The following PAK1 variants were observed in gnomAD, a reference collection of about 807,000 sequenced individuals.
PAK1 encodes serine/threonine-protein kinase PAK 1.
Under a neutral mutation model 67.4 loss-of-function variants are expected in PAK1, and 29 were observed. The ratio of observed to expected loss-of-function variants is 0.43; its 90% CI spans 0.32 to 0.59. The LOEUF (loss-of-function observed/expected upper bound fraction) is 0.59, where lower values mean the gene tolerates loss of function less well. Ranked by LOEUF, PAK1 falls within the 20% of genes least tolerant of loss-of-function variation. The probability of loss-of-function intolerance (pLI) is 0.07; values close to 1 mark genes in which losing one functional copy is unlikely to be tolerated. For synonymous variants in PAK1, 223 were observed against 237.4 expected, an observed-to-expected ratio of 0.94 and a Z score of 0.56; for missense variants, 337 against 670.7, an observed-to-expected ratio of 0.50 and a Z score of 5.50.
intron 1 of PAK1, among the ~76,000 whole-genome samples, chr11:77,452,177 A>G (rs993548741): frequency 6.6e-6 from 1 of 152,198 alleles, no homozygotes; most frequent in Non-Finnish European, 1.5e-5. Context: ...TGCATCTCAC[A>G]TTTCATTCTA....
intron 7 of PAK1, among the ~76,000 whole-genome samples, chr11:77,354,159 T>C (rs1945681264): frequency 6.6e-6 from 1 of 152,110 alleles, no homozygotes; most frequent in African/African-American, 2.4e-5. Flanking sequence ...ACAAAGAATA[T>C]TTCAAGTGCA....
At chr11:77,469,058 A>G (rs1291078556) in intron 1 of PAK1, among the ~76,000 whole-genome samples, 1 of 152,038 alleles carries the variant, frequency 6.6e-6, no homozygotes, top group Non-Finnish European at 1.5e-5. Flanking sequence ...ATACACACAC[A>G]AAAAAAACAT....
intron 13 of PAK1, among the ~76,000 whole-genome samples, chr11:77,333,194 C>CTTTTT (rs886805892): frequency 1.9e-4 from 24 of 127,140 alleles, no homozygotes; most frequent in Non-Finnish European, 2.4e-4. Context: ...TCTTCTTCTT[C>CTTTTT]TTTTTTTTTT....
At chr11:77,471,917 C>A (rs1195052807) in intron 1 of PAK1, among the ~76,000 whole-genome samples, 2 of 152,172 alleles carry the variant, frequency 1.3e-5, no homozygotes, top group African/African-American at 4.8e-5. Context: ...ACCTTCCCTG[C>A]AGGACTCACT....
chr11:77,399,122 A>T (rs1427185051), intron 1 of PAK1, among the ~76,000 whole-genome samples: 1 of 152,230 alleles, frequency 6.6e-6, no homozygotes, highest in East Asian at 1.9e-4. Flanking sequence ...AAAATATATA[A>T]GGTGCTATGT....
At chr11:77,362,158 T>G (rs1946879075) in intron 5 of PAK1, among the ~76,000 whole-genome samples, 1 of 152,198 alleles carries the variant, frequency 6.6e-6, no homozygotes, top group African/African-American at 2.4e-5. Context: ...AATAGTACCC[T>G]GGATTATATC....
At chr11:77,401,554 T>C (rs1952688275) in intron 1 of PAK1, among the ~76,000 whole-genome samples, 1 of 152,236 alleles carries the variant, frequency 6.6e-6, no homozygotes, top group African/African-American at 2.4e-5. Context: ...ATATTTGTTC[T>C]TTCCCCCACC....
At chr11:77,377,335 GGGAAA>G (rs770681194) in intron 4 of PAK1, among the ~76,000 whole-genome samples, 3 of 152,076 alleles carry the variant, frequency 2.0e-5, no homozygotes, top group Non-Finnish European at 4.4e-5. Flanking sequence ...ATGGTAAATA[GGGAAA>G]GGAGAGATAT....
chr11:77,343,880 T>A lies in PAK1; in HGVS notation c.937A>T (p.Ile313Phe). 1.2e-6 allele frequency: 2 copies of A among 1,613,734 alleles called. No individual in the cohort carries two copies. Among genetic ancestry groups the A allele is most frequent in the Non-Finnish European group, 1.7e-6 (2 of 1,179,632 alleles). The stretch of plus-strand genomic sequence containing the variant: ...TCCCTCATGACCAGGATCTCATTAA[T>A]AATCAGCTCTTTCTTGGGCTGCTGC... ...LQQQPKKELI[I>F]NEILVMRENK... is the part of the protein sequence containing the mutation. The change falls in exon 10 of 15, where the codon ATT (isoleucine) becomes TTT (phenylalanine). Residue 313 changes from isoleucine (I) to phenylalanine (F), a missense_variant. By Grantham distance (21) the Ile-to-Phe change is conservative. Transcript: ENST00000356341.
intron 1 of PAK1, among the ~76,000 whole-genome samples, chr11:77,463,016 A>G (rs1957433446): frequency 6.6e-6 from 1 of 150,804 alleles, no homozygotes; most frequent in Non-Finnish European, 1.5e-5. Context: ...GGCTTTTAGG[A>G]AAAAGGGTAC....
At chr11:77,381,969 G>C (rs1156788373) in intron 2 of PAK1, among the ~76,000 whole-genome samples, 1 of 152,306 alleles carries the variant, frequency 6.6e-6, no homozygotes, top group South Asian at 2.1e-4. Context: ...AAGTCCATCT[G>C]TCTTTCTCAT....
At chr11:77,493,463 T>G in the PAK1 span, among the ~76,000 whole-genome samples, 3 of 141,106 alleles carry the variant, frequency 2.1e-5, no homozygotes, top group African/African-American at 8.0e-5. Context: ...TTTTTTTTTT[T>G]TTTTTTTTTT....
chr11:77,526,326 G>A, the PAK1 span, among the ~76,000 whole-genome samples: 4 of 152,134 alleles, frequency 2.6e-5, no homozygotes, highest in Admixed American at 1.3e-4. Context: ...ACCAAATAAC[G>A]TGTGGAGGGA....
At chr11:77,498,089 C>T in the PAK1 span, among the ~76,000 whole-genome samples, 18 of 151,916 alleles carry the variant, frequency 1.2e-4, no homozygotes, top group South Asian at 4.1e-4. Flanking sequence ...ATTCTGGAAA[C>T]GTAGAACAGA....
In PAK1 at chr11:77,349,116, C is replaced by T; in HGVS notation, c.885+123G>A. The T allele has an allele frequency of 3.0e-6, 2 of 661,964 alleles. 1 individual carries two copies. 41.0% of individuals were successfully genotyped at this position (661,964 alleles called of 1,614,324 possible). On this transcript the variant is annotated intron_variant, in intron 9 of 14. Transcript: ENST00000356341. ...CTCCAGCCTGGATGACAGAGTGAGA[C>T]CCCATCCCAAAAAAAAAAAAAAAAA...
At chr11:77,388,957 G>C (rs1466860410) in intron 2 of PAK1, among the ~76,000 whole-genome samples, 1 of 152,152 alleles carries the variant, frequency 6.6e-6, no homozygotes, top group African/African-American at 2.4e-5. Flanking sequence ...ATTCACCCAT[G>C]AAGTGTAAAA....
At chr11:77,363,886 G>A (rs1256045308) in intron 5 of PAK1, among the ~76,000 whole-genome samples, 1 of 152,220 alleles carries the variant, frequency 6.6e-6, no homozygotes, top group Non-Finnish European at 1.5e-5. Context: ...TGGCATTCTG[G>A]GCAAGGGATG....
chr11:77,364,194 G>C (rs1449347745), intron 5 of PAK1, among the ~76,000 whole-genome samples: 1 of 152,182 alleles, frequency 6.6e-6, no homozygotes, highest in African/African-American at 2.4e-5. Context: ...GCCTGGCTAT[G>C]TGCATACACA....
chr11:77,407,804 C>T (rs571915791), intron 1 of PAK1, among the ~76,000 whole-genome samples: 1 of 152,282 alleles, frequency 6.6e-6, no homozygotes, highest in African/African-American at 2.4e-5. Flanking sequence ...CATATAGTCA[C>T]CCAAGTGGCC....
Sources: allele counts gnomAD v4.1 joint callset (sites outside exome capture counted in the v4.1 genomes callset), GRCh38; gene constraint gnomAD v4.1.1; transcripts MANE v1.5; gene names NCBI Gene and HGNC (gene_info 2026-07-23, HGNC 2026-07-21).